The following COPG2 variants were observed in gnomAD, a reference collection of about 807,000 sequenced individuals.
COPG2 encodes the protein coat protein complex I subunit gamma 2.
Under a neutral mutation model 46.3 loss-of-function variants are expected in COPG2, and 37 were observed. That is an observed-to-expected ratio of 0.80 (90% CI 0.61 to 1.05). The LOEUF (loss-of-function observed/expected upper bound fraction) is 1.05. Among genes scored for constraint, COPG2 ranks in the 50% least tolerant of loss-of-function variants. The probability of loss-of-function intolerance (pLI) is 0.00; values close to 1 mark genes in which losing one functional copy is unlikely to be tolerated. For synonymous variants in COPG2, 159 were observed against 129.7 expected, an observed-to-expected ratio of 1.23 and a Z score of -1.53; for missense variants, 427 against 387.8, an observed-to-expected ratio of 1.10 and a Z score of -0.85.
intron 5 of COPG2, among the ~76,000 whole-genome samples, chr7:130,626,467 T>C (rs1795121936): frequency 6.6e-6 from 1 of 150,418 alleles, no homozygotes; most frequent in Non-Finnish European, 1.5e-5. Context: ...GCCAGGCTGG[T>C]CTCGAACACC....
intron 9 of COPG2, among the ~76,000 whole-genome samples, chr7:130,591,727 TGGG>T (rs1242400810): frequency 1.4e-5 from 2 of 140,476 alleles, no homozygotes; most frequent in African/African-American, 5.4e-5. Context: ...GGGAAGGAGG[TGGG>T]GGGGTCAGCC....
At chr7:130,616,824 C>T (rs1298673802) in intron 6 of COPG2, among the ~76,000 whole-genome samples, 166 bp downstream of exon 6, 1 of 152,078 alleles carries the variant, frequency 6.6e-6, no homozygotes, top group Non-Finnish European at 1.5e-5. Flanking sequence ...GGAAAAAAAT[C>T]TGAAGACAAA....
chr7:130,569,739 G>C (rs1338059918), intron 9 of COPG2, among the ~76,000 whole-genome samples: 1 of 151,882 alleles, frequency 6.6e-6, no homozygotes, highest in African/African-American at 2.4e-5. Flanking sequence ...CCAAAACCAG[G>C]AAACGACATA....
intron 9 of COPG2, among the ~76,000 whole-genome samples, chr7:130,566,549 G>T (rs1053935927): frequency 1.3e-5 from 2 of 152,216 alleles, no homozygotes; most frequent in African/African-American, 2.4e-5. Context: ...GAGAGTTGGC[G>T]GCTCTACAGC....
At chr7:130,626,517 G>A (rs1480515450) in intron 5 of COPG2, among the ~76,000 whole-genome samples, 1 of 151,466 alleles carries the variant, frequency 6.6e-6, no homozygotes, top group Non-Finnish European at 1.5e-5. Flanking sequence ...CCAAAGTGCT[G>A]GGATTACAGG....
intron 7 of COPG2, among the ~76,000 whole-genome samples, chr7:130,613,134 G>A (rs1794884036): frequency 6.6e-6 from 1 of 152,212 alleles, no homozygotes; most frequent in Non-Finnish European, 1.5e-5. Flanking sequence ...AGAGGGCAGA[G>A]GGATAGTTTT....
intron 7 of COPG2, 70 bp from the exon 8 acceptor site, chr7:130,612,308 T>C (rs1489053725): frequency 1.0e-6 from 1 of 971,280 alleles, no homozygotes; most frequent in Non-Finnish European, 1.5e-6. Flanking sequence ...CATGAGTTAG[T>C]TTTCTTTGAA....
rs919183808 is a variant in COPG2, at chr7:130,549,852, C to T, written c.1775-476G>A. ...CTTTGGGAATATTTTTTATGATTGT[C>T]GCCCATAAATTCTTTTAAGACGAAC... On this transcript the variant is annotated intron_variant, in intron 17 of 23. Coordinates refer to ENST00000425248, the MANE Select transcript of COPG2 (RefSeq NM_012133.6). Among the ~76,000 whole-genome samples, 146 of 152,056 alleles carry T rather than the reference C, an allele frequency of 9.6e-4. No individual in the cohort carries two copies. The East Asian group carries it at 0.022, about 23-fold the overall frequency.
chr7:130,578,064 G>T (rs1296240213), intron 9 of COPG2, among the ~76,000 whole-genome samples: 1 of 152,256 alleles, frequency 6.6e-6, no homozygotes, highest in African/African-American at 2.4e-5. Context: ...CGAACCAAAA[G>T]ACAGCAGTAA....
chr7:130,567,332 A>G (rs1004610296), intron 9 of COPG2, among the ~76,000 whole-genome samples: 2 of 152,218 alleles, frequency 1.3e-5, no homozygotes, highest in Non-Finnish European at 2.9e-5. Context: ...ACCAAACCTA[A>G]GAATAACTGG....
intron 5 of COPG2, among the ~76,000 whole-genome samples, chr7:130,649,587 T>C (rs1339831041): frequency 4.6e-5 from 7 of 152,170 alleles, no homozygotes; most frequent in African/African-American, 1.2e-4. Context: ...TTCCCAACAT[T>C]TTCCTCTGAG....
intron 5 of COPG2, among the ~76,000 whole-genome samples, chr7:130,642,216 TTTAG>T (rs1795505464): frequency 6.7e-6 from 1 of 149,534 alleles, no homozygotes; most frequent in Non-Finnish European, 1.5e-5. Context: ...TCAATATACA[TTTAG>T]TTAGTTAAGA....
chr7:130,643,634 G>A (rs1795534531), intron 5 of COPG2, among the ~76,000 whole-genome samples: 1 of 152,040 alleles, frequency 6.6e-6, no homozygotes, highest in Non-Finnish European at 1.5e-5. Context: ...ATAAAAGAAG[G>A]GAATGGGAAA....
At chr7:130,606,808 T>A (rs1443284103) in intron 9 of COPG2, among the ~76,000 whole-genome samples, 1 of 152,192 alleles carries the variant, frequency 6.6e-6, no homozygotes, top group Admixed American at 6.5e-5. Context: ...AATAAACAAA[T>A]CTCTACATAT....
chr7:130,622,512 C>A (rs1404313241), intron 5 of COPG2, among the ~76,000 whole-genome samples: 3 of 152,126 alleles, frequency 2.0e-5, no homozygotes, highest in Non-Finnish European at 4.4e-5. Context: ...TTCCATCCCT[C>A]AAATTTGTTC....
intron 9 of COPG2, among the ~76,000 whole-genome samples, chr7:130,586,588 G>A (rs999119872): frequency 2.3e-4 from 35 of 151,872 alleles, no homozygotes; most frequent in African/African-American, 7.2e-4. Context: ...TCAGCCTCCC[G>A]AGTAGCTGGG....
intron 5 of COPG2, among the ~76,000 whole-genome samples, chr7:130,637,460 T>G (rs1055673229): frequency 1.3e-5 from 2 of 152,356 alleles, no homozygotes. Flanking sequence ...CTTCACACTT[T>G]ATTTCATTAG....
chr7:130,646,971 G>GTA (rs1486727827), intron 5 of COPG2, among the ~76,000 whole-genome samples: 2 of 15,894 alleles, frequency 1.3e-4, no homozygotes, highest in East Asian at 9.2e-3. Context: ...ATATATATGT[G>GTA]TATATATATA....
At chr7:130,606,100 C>A (rs113180638) in intron 9 of COPG2, among the ~76,000 whole-genome samples, 92 of 152,140 alleles carry the variant, frequency 6.0e-4, no homozygotes, top group African/African-American at 1.9e-3. Context: ...TGCTGGGATG[C>A]CTATAGTTCC....
Sources: allele counts gnomAD v4.1 joint callset (sites outside exome capture counted in the v4.1 genomes callset), GRCh38; gene constraint gnomAD v4.1.1; transcripts MANE v1.5; gene names NCBI Gene and HGNC (gene_info 2026-07-23, HGNC 2026-07-21).